The following PIGK variants were observed in gnomAD, a reference collection of about 807,000 sequenced individuals.
The protein encoded by PIGK is GPI-anchor transamidase.
PIGK carries 42 observed loss-of-function variants against 50.6 expected under a neutral mutation model. That is an observed-to-expected ratio of 0.83 (90% CI 0.65 to 1.07). The LOEUF is 1.07. Ranked by LOEUF, PIGK falls within the 50% of genes least tolerant of loss-of-function variation. PIGK has a pLI of 0.00. For missense variants in PIGK, 448 were observed against 488.7 expected, an observed-to-expected ratio of 0.92 and a Z score of 0.78; for synonymous variants, 151 against 156.0, an observed-to-expected ratio of 0.97 and a Z score of 0.24.
At chr1:77,096,544 C>T (rs1653408226) in intron 10 of PIGK, among the ~76,000 whole-genome samples, 1 of 152,184 alleles carries the variant, frequency 6.6e-6, no homozygotes, top group Admixed American at 6.5e-5. Flanking sequence ...CTTCCAGCTA[C>T]AGAAGAGCCG....
intron 3 of PIGK, among the ~76,000 whole-genome samples, chr1:77,177,407 C>T (rs1261900437): frequency 9.2e-5 from 14 of 152,208 alleles, no homozygotes; most frequent in Non-Finnish European, 1.9e-4. Context: ...CGCTTAAAGG[C>T]GTTCTTAAAC....
At chr1:77,094,097 C>A (rs1235289805) in intron 10 of PIGK, among the ~76,000 whole-genome samples, 3 of 152,122 alleles carry the variant, frequency 2.0e-5, no homozygotes, top group Non-Finnish European at 1.5e-5. Flanking sequence ...ACTAGTCAAA[C>A]AATTTGTAAT....
chr1:77,172,930 A>T (rs553429673), intron 3 of PIGK, among the ~76,000 whole-genome samples: 30 of 152,212 alleles, frequency 2.0e-4, no homozygotes, highest in South Asian at 6.2e-4. Flanking sequence ...CCTCAGAAAA[A>T]AATAATAATA....
At chr1:77,114,617 A>G (rs1653923068) in intron 10 of PIGK, among the ~76,000 whole-genome samples, 1 of 152,124 alleles carries the variant, frequency 6.6e-6, no homozygotes, top group South Asian at 2.1e-4. Flanking sequence ...AAAGTTGATG[A>G]TAATTATTAA....
At chr1:77,180,351 T>G (rs1031574025) in intron 3 of PIGK, among the ~76,000 whole-genome samples, 2 of 151,720 alleles carry the variant, frequency 1.3e-5, no homozygotes, top group Non-Finnish European at 2.9e-5. Flanking sequence ...GTAAATAGAT[T>G]CCACATTTTC....
intron 2 of PIGK, among the ~76,000 whole-genome samples, chr1:77,209,960 T>C (rs1043027221): frequency 1.3e-5 from 2 of 152,096 alleles, no homozygotes; most frequent in Non-Finnish European, 2.9e-5. Flanking sequence ...TCTTCTTTAA[T>C]TGAGGTGAAA....
chr1:77,127,638 C>T (rs1431102965), intron 9 of PIGK, among the ~76,000 whole-genome samples: 2 of 152,148 alleles, frequency 1.3e-5, no homozygotes, highest in African/African-American at 2.4e-5. Flanking sequence ...AGCAGAGACA[C>T]TGTGCTATGC....
At chr1:77,181,056 T>A (rs1481783486) in intron 3 of PIGK, among the ~76,000 whole-genome samples, 1 of 152,194 alleles carries the variant, frequency 6.6e-6, no homozygotes, top group Non-Finnish European at 1.5e-5. Flanking sequence ...ATCATGCCTA[T>A]ATAGATATTT....
rs557767837 is a variant in PIGK at position 77,092,147 on chromosome 1, G to A, written c.*227C>T. ...ATGTATTCTGATCTCTGTCTCATTC[G>A]CTTTTATAATACACAAAATACAAAA... On this transcript the variant is annotated 3_prime_UTR_variant, in exon 11 of 11. Transcript: ENST00000370812. 7.3e-6 allele frequency: 2 copies of A among 274,900 alleles called. No individual in the cohort carries two copies. Among genetic ancestry groups the A allele is most frequent in the South Asian group, 1.6e-4 (2 of 12,878 alleles). 17.0% of individuals were successfully genotyped at this position (274,900 alleles called of 1,614,324 possible). A position where few individuals can be genotyped will look rare whatever the true frequency, so the allele number is the denominator to read the frequency against.
intron 10 of PIGK, among the ~76,000 whole-genome samples, chr1:77,093,703 A>C (rs532195442): frequency 6.6e-6 from 1 of 152,202 alleles, no homozygotes; most frequent in South Asian, 2.1e-4. Context: ...CTACCAGTCC[A>C]TCCAGAAAAC....
chr1:77,140,252 C>T (rs532086032), intron 9 of PIGK, among the ~76,000 whole-genome samples: 1 of 152,098 alleles, frequency 6.6e-6, no homozygotes, highest in South Asian at 2.1e-4. Flanking sequence ...CACACTCACT[C>T]ACTCTTTCTC....
At chr1:77,159,287 C>T (rs1655082418) in intron 8 of PIGK, among the ~76,000 whole-genome samples, 1 of 152,164 alleles carries the variant, frequency 6.6e-6, no homozygotes, top group Non-Finnish European at 1.5e-5. Context: ...ACCTAGATTT[C>T]AGAGGATGTA....
At chr1:77,109,032 A>G (rs1013007199) in intron 10 of PIGK, among the ~76,000 whole-genome samples, 8 of 152,102 alleles carry the variant, frequency 5.3e-5, no homozygotes, top group Non-Finnish European at 1.0e-4. Context: ...ATTCCTCAAC[A>G]CATACACCCT....
intron 9 of PIGK, among the ~76,000 whole-genome samples, chr1:77,131,152 C>T (rs1200633985): frequency 2.0e-5 from 3 of 151,652 alleles, no homozygotes; most frequent in Non-Finnish European, 4.4e-5. Flanking sequence ...GATGTATAAT[C>T]GGGTGGCTTA....
At chr1:77,193,496 T>C (rs946023910) in intron 3 of PIGK, among the ~76,000 whole-genome samples, 1 of 152,166 alleles carries the variant, frequency 6.6e-6, no homozygotes, top group Non-Finnish European at 1.5e-5. Context: ...CCCGAAGATA[T>C]GTCTTTCTCC....
Position 77,161,658 on chromosome 1 carries a change from T to A in PIGK, c.638A>T (p.Glu213Val). 1 of 1,591,956 alleles carries A rather than the reference T, an allele frequency of 6.3e-7. No individual in the cohort carries two copies. Among genetic ancestry groups the A allele is most frequent in the Non-Finnish European group, 8.6e-7 (1 of 1,159,896 alleles). The change falls in exon 7 of 11, where the codon GAA becomes GTA. Residue 213 changes from glutamate to valine, a missense_variant. Transcript: ENST00000370812. ...CATTATGTTAGGAGAATAAAATCGT[T>A]CATACATGGATGCTCCTTGGCAAGT... ...IDTCQGASMY[E>V]RFYSPNIMAL...
At chr1:77,120,764 G>T (rs932409592) in intron 10 of PIGK, among the ~76,000 whole-genome samples, 24 of 152,118 alleles carry the variant, frequency 1.6e-4, no homozygotes, top group Non-Finnish European at 1.2e-4. Context: ...AATTCCTATT[G>T]TGTAAAATTT....
At chr1:77,150,193 C>T (rs980018897) in intron 9 of PIGK, among the ~76,000 whole-genome samples, 2 of 151,796 alleles carry the variant, frequency 1.3e-5, no homozygotes, top group African/African-American at 4.8e-5. Flanking sequence ...AAATCAAGAG[C>T]AAAACAAATC....
In PIGK at chr1:77,195,006, C is replaced by T. The variant is rs938233730; in HGVS notation, c.239+11634G>A. 7.1e-5 allele frequency: 52 copies of T among 728,882 alleles called. No individual in the cohort carries two copies. In the East Asian group the frequency reaches 1.5e-3, roughly 21 times the overall value. 45.2% of individuals were successfully genotyped at this position (728,882 alleles called of 1,614,324 possible). A position where few individuals can be genotyped will look rare whatever the true frequency, so the allele number is the denominator to read the frequency against. ...GTGGAAGCAGTGAAAAAGCTCCAAA[C>T]TCCACCAAGCTCCTGCAGAAGAATA... is the stretch of plus-strand genomic sequence containing the variant. On this transcript the variant is annotated intron_variant, in intron 3 of 10. Transcript: ENST00000370812.
Sources: gnomAD v4.1 joint callset for allele counts (sites outside exome capture counted in the v4.1 genomes callset) on GRCh38, gnomAD v4.1.1 for gene constraint, MANE v1.5 for transcripts, NCBI Gene and HGNC (gene_info 2026-07-23, HGNC 2026-07-21) for gene names.